Variants in HBP1 observed in about 807,000 individuals in gnomAD.
HBP1 encodes HMG-box transcription factor 1.
Under a neutral mutation model 62.6 loss-of-function variants are expected in HBP1, and 20 were observed. The observed-to-expected ratio is 0.32, with a 90% CI of 0.22 to 0.46. The LOEUF is 0.46. Ranked by LOEUF, HBP1 falls within the 20% of genes least tolerant of loss-of-function variation. HBP1 has a pLI of 1.00. For missense variants in HBP1, 480 were observed against 611.8 expected (o/e 0.78, Z 2.27); for synonymous variants, 232 against 206.2 (o/e 1.12, Z -1.07).
intron 9 of HBP1, chr7:107,196,542 A>G (rs543076076): frequency 6.6e-6 from 2 of 301,680 alleles, no homozygotes; most frequent in African/African-American, 4.4e-5. Context: ...TGCCGTGATT[A>G]CAGGCGTGAG....
At chr7:107,186,525 A>G in intron 5 of HBP1, 44 bp from the exon 6 acceptor site, 1 of 1,556,222 alleles carries the variant, frequency 6.4e-7, no homozygotes, top group Non-Finnish European at 8.9e-7. Flanking sequence ...TTACTTGTCT[A>G]GTACAGTCAC....
Position 107,171,073 on chromosome 7 carries a change from A to ATATATTTTTTTTTTTTTTTT in HBP1, c.-16+1889_-16+1890insATATTTTTTTTTTTTTTTTT. ...TATATATATATATATATATATATAT[A>ATATATTTTTTTTTTTTTTTT]TTTTTTTTTTTTTTTGAGAGGGAGT... is the stretch of plus-strand genomic sequence containing the variant. On this transcript the variant is annotated intron_variant, in intron 1 of 10. Transcript: ENST00000222574. Among the ~76,000 whole-genome samples, 3 of 87,198 alleles carry ATATATTTTTTTTTTTTTTTT rather than the reference A, an allele frequency of 3.4e-5. 1 individual carries two copies. Among genetic ancestry groups the ATATATTTTTTTTTTTTTTTT allele is most frequent in the African/African-American group, 2.0e-4 (3 of 15,122 alleles). The allele number at this position is 87,198 out of a possible 152,430, so 57.2% of individuals were successfully genotyped here.
At chr7:107,193,496 T>G (rs1797749518) in intron 8 of HBP1, among the ~76,000 whole-genome samples, 1 of 152,172 alleles carries the variant, frequency 6.6e-6, no homozygotes, top group Admixed American at 6.5e-5. Flanking sequence ...CTGTGTCTTA[T>G]GTTTATTGTT....
At chr7:107,191,817 A>G (rs1032339007) in intron 8 of HBP1, among the ~76,000 whole-genome samples, 2 of 152,226 alleles carry the variant, frequency 1.3e-5, no homozygotes, top group African/African-American at 4.8e-5. Flanking sequence ...TGTAATACAC[A>G]TTATATAATT....
At chr7:107,201,315 T>C (rs1296265071) in intron 10 of HBP1, 99 bp from the exon 11 acceptor site, 3 of 673,824 alleles carry the variant, frequency 4.5e-6, no homozygotes, top group East Asian at 2.9e-5. Flanking sequence ...TATTTTCTAA[T>C]AGTAAATTTA....
intron 7 of HBP1, 35 bp downstream of exon 7, chr7:107,189,483 T>A (rs766625474): frequency 6.7e-7 from 1 of 1,491,630 alleles, no homozygotes; most frequent in East Asian, 2.3e-5. Context: ...TAACTTTTTT[T>A]AAACAAAGCT....
intron 1 of HBP1, chr7:107,174,805 G>A (rs1796755354): frequency 3.9e-6 from 2 of 517,258 alleles, no homozygotes; most frequent in Admixed American, 6.4e-5. Flanking sequence ...ACATCTGTAT[G>A]TGAAGCATAG....
At chr7:107,196,366 T>G (rs1797901872) in intron 9 of HBP1, 1 of 552,026 alleles carries the variant, frequency 1.8e-6, no homozygotes, top group Non-Finnish European at 3.4e-6. Flanking sequence ...CCTTCCAGGT[T>G]CAAGTGATTA....
At chr7:107,190,576 CAT>C (rs1390085761) in intron 8 of HBP1, among the ~76,000 whole-genome samples, 47 of 152,252 alleles carry the variant, frequency 3.1e-4, no homozygotes, top group African/African-American at 9.9e-4. Context: ...AAGAATATCA[CAT>C]GTTACATGAC....
chr7:107,173,075 CTT>C (rs1796677461), intron 1 of HBP1, among the ~76,000 whole-genome samples: 2 of 152,190 alleles, frequency 1.3e-5, no homozygotes, highest in African/African-American at 4.8e-5. Flanking sequence ...CCTGTGAAAT[CTT>C]TTGAAGTTTT....
rs1798314873 is a variant in HBP1 at position 107,201,602 on chromosome 7, C to T, written c.*171C>T. On this transcript the variant is annotated 3_prime_UTR_variant, in exon 11 of 11. Coordinates refer to ENST00000222574, the MANE Select transcript of HBP1 (RefSeq NM_012257.4). Reference sequence around the variant, plus strand: ...AATATGAGTGAGGATTTGCTTTCTCCATTAGAGCATTAAGCTAAAACTATC... The same window carrying T: ...AATATGAGTGAGGATTTGCTTTCTCTATTAGAGCATTAAGCTAAAACTATC... The T allele has an allele frequency of 4.5e-6, 2 of 449,294 alleles. No homozygotes were observed. Among genetic ancestry groups the T allele is most frequent in the South Asian group, 5.6e-5 (1 of 17,920 alleles). 27.8% of individuals were successfully genotyped at this position (449,294 alleles called of 1,614,324 possible).
chr7:107,195,559 A>G (rs1474054865), intron 8 of HBP1, among the ~76,000 whole-genome samples: 1 of 152,240 alleles, frequency 6.6e-6, no homozygotes, highest in African/African-American at 2.4e-5. Context: ...TATGCTGATT[A>G]TAACATTCCT....
chr7:107,191,224 A>G (rs1165110183), intron 8 of HBP1, among the ~76,000 whole-genome samples: 2 of 152,182 alleles, frequency 1.3e-5, no homozygotes, highest in East Asian at 3.8e-4. Flanking sequence ...TAAAAAAGCA[A>G]ATTGCATAGG....
chr7:107,197,808 A>C (rs1016701100), intron 9 of HBP1, among the ~76,000 whole-genome samples: 23 of 152,210 alleles, frequency 1.5e-4, no homozygotes, highest in African/African-American at 5.5e-4. Context: ...TTTTAAAAAA[A>C]GTTAGTTTGG....
chr7:107,186,599 A>G lies in HBP1; in HGVS notation c.683A>G (p.Asn228Ser), dbSNP rs200111419. Residue 228 changes from asparagine to serine, a missense_variant, in exon 6 of 11, where the codon AAT becomes AGT. By Grantham distance (46) the Asn-to-Ser change is conservative. Around this residue, in one of 4 missense-constraint regions of HBP1, gnomAD observed 304 missense variants for 330.9 expected, o/e 0.92. Coordinates refer to ENST00000222574, the MANE Select transcript of HBP1 (RefSeq NM_012257.4). ...GTRLCFHKGS[N>S]KEWQDVEDFA... ...CGACTGTGCTTTCATAAGGGAAGCA[A>G]TAAGGAATGGCAAGATGTTGAAGAT... 1 of 1,613,702 alleles carries G rather than the reference A, an allele frequency of 6.2e-7. No homozygotes were observed. The highest frequency in any genetic ancestry group is 1.7e-5 in the Admixed American group (1 of 60,020).
At chr7:107,174,747 T>TA (rs1441116991) in intron 1 of HBP1, 1 of 973,750 alleles carries the variant, frequency 1.0e-6, no homozygotes, top group African/African-American at 1.8e-5. Context: ...ATAATAAAGG[T>TA]AAAAATGGGA....
chr7:107,169,168 G>A lies in HBP1; in HGVS notation c.-33G>A. 9.0e-7 allele frequency: 1 copy of A among 1,106,804 alleles called. No individual in the cohort carries two copies. Among genetic ancestry groups the A allele is most frequent in the Non-Finnish European group, 1.1e-6 (1 of 890,306 alleles). The allele number at this position is 1,106,804 out of a possible 1,614,324, so 68.6% of individuals were successfully genotyped here. A position where few individuals can be genotyped will look rare whatever the true frequency, so the allele number is the denominator to read the frequency against. ...GGCCGGAGCGGCCCGCGCCTGGGCTGCCGGCACTTCGCGGCAGGTTTGTTG... is the reference window on the plus strand; with the variant it reads ...GGCCGGAGCGGCCCGCGCCTGGGCTACCGGCACTTCGCGGCAGGTTTGTTG... On this transcript the variant is annotated 5_prime_UTR_variant, in exon 1 of 11. Transcript: ENST00000222574.
At chr7:107,200,648 A>G (rs1307845916) in intron 10 of HBP1, 1 of 163,036 alleles carries the variant, frequency 6.1e-6, no homozygotes, top group Non-Finnish European at 1.3e-5. Flanking sequence ...TTCTCTAATA[A>G]TTTTGGGATT....
Position 107,186,393 on chromosome 7 carries a change from C to T in HBP1, c.573C>T (p.Cys191=). Residue 191 remains cysteine (C), a synonymous_variant, in exon 5 of 11, where the codon TGC becomes TGT. Transcript: ENST00000222574. ...GTGAGTCAGAATCTGGCATTTTCTGCATGTCCTCCCTGTCAGATGATGATG... is the reference window on the plus strand; with the variant it reads ...GTGAGTCAGAATCTGGCATTTTCTGTATGTCCTCCCTGTCAGATGATGATG... ...ANSESESGIF[C]MSSLSDDDDL... 6.2e-7 allele frequency: 1 copy of T among 1,611,570 alleles called. No individual in the cohort carries two copies. The highest frequency in any genetic ancestry group is 8.5e-7 in the Non-Finnish European group (1 of 1,177,918).
Sources: gnomAD v4.1 joint callset for allele counts (sites outside exome capture counted in the v4.1 genomes callset) on GRCh38, gnomAD v4.1.1 for gene constraint, gnomAD v4.1.1 regional missense constraint, MANE v1.5 for transcripts, NCBI Gene and HGNC (gene_info 2026-07-23, HGNC 2026-07-21) for gene names.